HECW1: variants seen among roughly 807,000 people sequenced by gnomAD.
HECW1 encodes E3 ubiquitin-protein ligase HECW1.
In HECW1, 61 loss-of-function variants were observed where a neutral mutation model predicts 182.3. That is an observed-to-expected ratio of 0.33 (90% CI 0.27 to 0.41). The LOEUF (loss-of-function observed/expected upper bound fraction) is 0.41. HECW1 is among the 10% of genes least tolerant of loss of function. HECW1 has a pLI of 1.00. For missense variants in HECW1, 1,739 were observed against 2,108.9 expected, an observed-to-expected ratio of 0.82 and a Z score of 3.44; for synonymous variants, 859 against 832.6, an observed-to-expected ratio of 1.03 and a Z score of -0.55.
intron 2 of HECW1, among the ~76,000 whole-genome samples, chr7:43,127,317 G>A (rs2152614399): frequency 6.6e-6 from 1 of 151,958 alleles, no homozygotes; most frequent in South Asian, 2.1e-4. Flanking sequence ...TGAGGTCAGG[G>A]GTTTGAGGCC....
chr7:43,420,697 A>G (rs2076154133), intron 8 of HECW1, among the ~76,000 whole-genome samples: 1 of 152,238 alleles, frequency 6.6e-6, no homozygotes, highest in Non-Finnish European at 1.5e-5. Context: ...TTGTTAAAAG[A>G]TATTATTTAC....
At chr7:43,368,296 T>C (rs894179188) in intron 6 of HECW1, among the ~76,000 whole-genome samples, 1 of 152,208 alleles carries the variant, frequency 6.6e-6, no homozygotes, top group Non-Finnish European at 1.5e-5. Context: ...CAGAACATGA[T>C]GCAGGGTTTT....
intron 2 of HECW1, among the ~76,000 whole-genome samples, chr7:43,140,787 A>G (rs1788073956): frequency 6.6e-6 from 1 of 152,106 alleles, no homozygotes. Flanking sequence ...TGGAGGCTGG[A>G]AGTCTGAGGT....
chr7:43,454,649 T>C (rs982797365), intron 12 of HECW1, among the ~76,000 whole-genome samples: 6 of 152,332 alleles, frequency 3.9e-5, no homozygotes, highest in African/African-American at 1.4e-4. Flanking sequence ...TGGGCATTAT[T>C]TGACAATCCA....
chr7:43,416,730 G>C (rs969539967), intron 8 of HECW1, among the ~76,000 whole-genome samples: 3 of 145,660 alleles, frequency 2.1e-5, no homozygotes, highest in African/African-American at 7.6e-5. Context: ...ATAGTCTCGT[G>C]GTGCGCCGTT....
At chr7:43,139,681 CA>C (rs2152631030) in intron 2 of HECW1, among the ~76,000 whole-genome samples, 1 of 152,240 alleles carries the variant, frequency 6.6e-6, no homozygotes. Context: ...TCTTTTCATT[CA>C]AAAATTTAAC....
At chr7:43,278,283 G>A (rs1053834746) in intron 3 of HECW1, among the ~76,000 whole-genome samples, 1 of 151,890 alleles carries the variant, frequency 6.6e-6, no homozygotes, top group African/African-American at 2.4e-5. Flanking sequence ...CTGTTTCTCC[G>A]GCCAAAACCT....
chr7:43,560,557 C>G (rs776960697), intron 29 of HECW1, among the ~76,000 whole-genome samples: 6 of 151,998 alleles, frequency 3.9e-5, no homozygotes, highest in Non-Finnish European at 7.4e-5. Context: ...CCTAGATTCT[C>G]GATGGGCAGG....
intron 12 of HECW1, among the ~76,000 whole-genome samples, chr7:43,454,754 G>A (rs904295920): frequency 1.1e-4 from 17 of 152,082 alleles, no homozygotes; most frequent in Admixed American, 1.0e-3. Flanking sequence ...TTAAAAAAAT[G>A]AGAGTTGCTA....
intron 2 of HECW1, among the ~76,000 whole-genome samples, chr7:43,226,979 A>G: frequency 6.6e-6 from 1 of 152,206 alleles, no homozygotes. Flanking sequence ...TGCCTGTCAT[A>G]TTTGGATGAC....
At chr7:43,523,883 T>C (rs1048634541) in intron 24 of HECW1, among the ~76,000 whole-genome samples, 8 of 152,120 alleles carry the variant, frequency 5.3e-5, no homozygotes, top group African/African-American at 1.9e-4. Context: ...GAGCCATTCA[T>C]ACTCTCAGCT....
At chr7:43,328,472 T>G (rs1182649046) in intron 5 of HECW1, among the ~76,000 whole-genome samples, 1 of 152,150 alleles carries the variant, frequency 6.6e-6, no homozygotes, top group Non-Finnish European at 1.5e-5. Flanking sequence ...CTGTCTGAAC[T>G]GCATGGGGCT....
At chr7:43,556,696 T>TC (rs139684963) in intron 29 of HECW1, among the ~76,000 whole-genome samples, 23,541 of 140,298 alleles carry the variant, frequency 0.17, 2,389 homozygotes, top group Non-Finnish European at 0.25. Flanking sequence ...TCAAATTAAA[T>TC]TAAAAAAAAA....
chr7:43,541,254 C>G lies in HECW1; in HGVS notation c.4111C>G (p.Leu1371Val), dbSNP rs1422709072. ...FFTRPFYKAL[L>V]RLPCDLSDLE... ...CACGAGGCCCTTCTACAAGGCACTCCTGAGACTGTAAGTGCTTTGCAGACC... is the reference window on the plus strand; with the variant it reads ...CACGAGGCCCTTCTACAAGGCACTCGTGAGACTGTAAGTGCTTTGCAGACC... Residue 1371 changes from leucine to valine, a missense_variant, in exon 25 of 30, where the codon CTG (leucine) becomes GTG (valine). Transcript: ENST00000395891. 6.2e-7 allele frequency: 1 copy of G among 1,612,884 alleles called. No homozygotes were observed. The highest frequency in any genetic ancestry group is 8.5e-7 in the Non-Finnish European group (1 of 1,178,858).
At chr7:43,266,527 A>G (rs1029886483) in intron 3 of HECW1, among the ~76,000 whole-genome samples, 1 of 151,904 alleles carries the variant, frequency 6.6e-6, no homozygotes, top group African/African-American at 2.4e-5. Flanking sequence ...ATAGAGACGG[A>G]GTTTCACCAT....
intron 9 of HECW1, among the ~76,000 whole-genome samples, chr7:43,441,629 T>C (rs2076891147): frequency 6.6e-6 from 1 of 152,218 alleles, no homozygotes; most frequent in Admixed American, 6.5e-5. Flanking sequence ...TTTTAGGCTT[T>C]GCAAGGCCCA....
intron 24 of HECW1, among the ~76,000 whole-genome samples, chr7:43,529,177 C>T (rs77941088): frequency 4.6e-5 from 7 of 152,212 alleles, no homozygotes; most frequent in South Asian, 4.1e-4. Context: ...ATTCTACAGC[C>T]GGCGTTCCCA....
intron 3 of HECW1, among the ~76,000 whole-genome samples, chr7:43,259,128 T>A (rs1236263642): frequency 2.6e-5 from 4 of 152,212 alleles, no homozygotes; most frequent in Non-Finnish European, 5.9e-5. Context: ...CAGCTCAACC[T>A]GTAATTCCAG....
chr7:43,231,765 C>G (rs1797892923), intron 2 of HECW1, among the ~76,000 whole-genome samples: 1 of 151,886 alleles, frequency 6.6e-6, no homozygotes, highest in South Asian at 2.1e-4. Flanking sequence ...GCCTGTAATC[C>G]CAGCACTTTG....
Sources: allele counts gnomAD v4.1 joint callset (sites outside exome capture counted in the v4.1 genomes callset), GRCh38; gene constraint gnomAD v4.1.1; transcripts MANE v1.5; gene names NCBI Gene and HGNC (gene_info 2026-07-23, HGNC 2026-07-21).